The following FHIP1B variants were observed in gnomAD, a reference collection of about 807,000 sequenced individuals.
FHIP1B encodes FHF complex subunit HOOK interacting protein 1B.
FHIP1B carries 28 observed loss-of-function variants against 82.2 expected under a neutral mutation model. The ratio of observed to expected loss-of-function variants is 0.34; its 90% CI spans 0.25 to 0.47. The LOEUF (loss-of-function observed/expected upper bound fraction) is 0.47, where lower values mean the gene tolerates loss of function less well. Ranked by LOEUF, FHIP1B falls within the 20% of genes least tolerant of loss-of-function variation. The probability of loss-of-function intolerance (pLI) is 1.00; values close to 1 mark genes in which losing one functional copy is unlikely to be tolerated. For synonymous variants in FHIP1B, 585 were observed against 516.1 expected, an observed-to-expected ratio of 1.13 and a Z score of -1.81; for missense variants, 1,110 against 1,262.6, an observed-to-expected ratio of 0.88 and a Z score of 1.83.
intron 6 of FHIP1B, among the ~76,000 whole-genome samples, chr11:6,221,412 T>G (rs924100883): frequency 2.6e-5 from 4 of 152,160 alleles, no homozygotes; most frequent in Admixed American, 6.5e-5. Context: ...ATGGCAAAAT[T>G]AATGCTTTAT....
chr11:6,220,799 A>G (rs1847385631), intron 6 of FHIP1B, among the ~76,000 whole-genome samples: 2 of 152,262 alleles, frequency 1.3e-5, no homozygotes, highest in African/African-American at 2.4e-5. Context: ...GACAAAAGGA[A>G]GAAACAACAG....
At chr11:6,218,421 T>C in intron 8 of FHIP1B, 179 bp downstream of exon 8, 1 of 998,928 alleles carries the variant, frequency 1.0e-6, no homozygotes, top group Non-Finnish European at 1.5e-6. Context: ...ACTCTAATTT[T>C]CTTTGGTGAG....
chr11:6,214,086 C>G (rs1847153121), intron 11 of FHIP1B, among the ~76,000 whole-genome samples: 1 of 146,166 alleles, frequency 6.8e-6, no homozygotes, highest in African/African-American at 2.5e-5. Flanking sequence ...CTTTGCCTAC[C>G]TAAGTCCTAC....
rs1847176662 is a variant in FHIP1B, at chr11:6,214,738, G to A, written c.2389C>T (p.Leu797=). The A allele has an allele frequency of 1.3e-6, 2 of 1,575,474 alleles. No individual in the cohort carries two copies. The highest frequency in any genetic ancestry group is 2.3e-5 in the East Asian group (1 of 44,348). The change falls in exon 10 of 12, where the codon CTG becomes TTG. Residue 797 remains leucine, a synonymous_variant. Coordinates refer to ENST00000449352, the MANE Select transcript of FHIP1B (RefSeq NM_001098794.2). ...MVFQPSVKSL[L]QVLGSVKNKI... is the part of the protein sequence containing the mutation. ...TGCATGCATGCATCGCACACCTGCA[G>A]CAGGGACTTGACACTGGGCTGGAAG...
chr11:6,224,893 C>T (rs1847521030), intron 1 of FHIP1B, among the ~76,000 whole-genome samples, 186 bp from the exon 2 acceptor site: 1 of 152,202 alleles, frequency 6.6e-6, no homozygotes, highest in Non-Finnish European at 1.5e-5. Context: ...TCAACTTTCT[C>T]CATCTCAAAA....
chr11:6,219,604 C>A (rs958642383), intron 6 of FHIP1B, among the ~76,000 whole-genome samples: 1 of 152,180 alleles, frequency 6.6e-6, no homozygotes, highest in Non-Finnish European at 1.5e-5. Flanking sequence ...AAGAACAACT[C>A]AAGCGCAGCT....
chr11:6,220,848 G>A (rs1250398168), intron 6 of FHIP1B, among the ~76,000 whole-genome samples: 2 of 152,262 alleles, frequency 1.3e-5, no homozygotes, highest in African/African-American at 2.4e-5. Flanking sequence ...CTCTAAACAT[G>A]AACAGGACAA....
chr11:6,217,671 G>A lies in FHIP1B; in HGVS notation c.1915C>T (p.Pro639Ser), dbSNP rs1371472587. 8 of 1,613,754 alleles carry A rather than the reference G, an allele frequency of 5.0e-6. No homozygotes were observed. In the African/African-American group the frequency reaches 9.3e-5, roughly 19 times the overall value. Residue 639 changes from proline (P) to serine (S), a missense_variant, in exon 9 of 12, where the codon CCA becomes TCA. Physicochemically the swap from Pro to Ser is moderately conservative, Grantham distance 74. Transcript: ENST00000449352. ...TTGGCCCCCTCAGGCCATGATCCTG[G>A]CACTCCATTGAGCTGGGGAGGGGGC... ...HLPPPQLNGV[P>S]GSWPEGAKKV...
Position 6,218,534 on chromosome 11 carries a change from G to A in FHIP1B, c.1435+66C>T, listed in dbSNP as rs113571470. 1,016 of 1,599,066 alleles carry A rather than the reference G, an allele frequency of 6.4e-4. 7 individuals are homozygous for A. The African/African-American group carries it at 0.011, about 17-fold the overall frequency. On this transcript the variant is annotated intron_variant, in intron 8 of 11. Transcript: ENST00000449352. ...CTTCACCCCAGCCCCTCCTTGCTAC[G>A]CTCCCCCAGAACCTAGGCCATACCC...
chr11:6,224,197 C>T lies in FHIP1B; in HGVS notation c.190G>A (p.Asp64Asn). 2 of 1,612,664 alleles carry T rather than the reference C, an allele frequency of 1.2e-6. No individual in the cohort carries two copies. Among genetic ancestry groups the T allele is most frequent in the Non-Finnish European group, 1.7e-6 (2 of 1,179,196 alleles). Residue 64 changes from aspartate to asparagine, a missense_variant, in exon 3 of 12, where the codon GAC becomes AAC. Coordinates refer to ENST00000449352, the MANE Select transcript of FHIP1B (RefSeq NM_001098794.2). ...TGGTTGCGCACAGCACTGAGATCGT[C>T]TGCACCCCCAGGAGCTGCCCGAGGG... ...QGPRAAPGGA[D>N]DLSAVRNHTY... is the part of the protein sequence containing the mutation.
At chr11:6,233,225 T>C (rs73395026) in intron 1 of FHIP1B, among the ~76,000 whole-genome samples, 4,161 of 152,294 alleles carry the variant, frequency 0.027, 66 homozygotes, top group African/African-American at 0.039. Flanking sequence ...GCTGTCTAAT[T>C]CTCAGGAAAT....
intron 6 of FHIP1B, among the ~76,000 whole-genome samples, chr11:6,220,791 CA>C (rs1194702576): frequency 6.6e-6 from 1 of 151,866 alleles, no homozygotes; most frequent in East Asian, 1.9e-4. Context: ...TAGGATAAGA[CA>C]AAAGGAAGAA....
chr11:6,225,539 T>C (rs1168326717), intron 1 of FHIP1B, among the ~76,000 whole-genome samples: 3 of 152,218 alleles, frequency 2.0e-5, no homozygotes, highest in Non-Finnish European at 2.9e-5. Context: ...GGTAGCTTCT[T>C]TGAGGGCAGG....
rs776419744 is a variant in FHIP1B at position 6,222,465 on chromosome 11, C to T, written c.1168G>A (p.Ala390Thr). The T allele has an allele frequency of 1.2e-6, 2 of 1,613,972 alleles. No individual in the cohort carries two copies. Among genetic ancestry groups the T allele is most frequent in the Admixed American group, 1.7e-5 (1 of 60,000 alleles). ...ACCCGGGAGTTACTGCCAATACGAG[C>T]AACGAGGGTGTCGAGGATGGTGTGG... Reference protein sequence around the residue: ...DTHTILDTLVARIGSNSRLCM... With the variant: ...DTHTILDTLVTRIGSNSRLCM... Residue 390 changes from alanine (A) to threonine (T), a missense_variant, in exon 6 of 12, where the codon GCT (alanine) becomes ACT (threonine). Physicochemically the swap from Ala to Thr is moderately conservative, Grantham distance 58. Coordinates refer to ENST00000449352, the MANE Select transcript of FHIP1B (RefSeq NM_001098794.2).
rs1165289063 is a variant in FHIP1B at position 6,223,245 on chromosome 11, G to A, written c.778-7C>T. 6.3e-7 allele frequency: 1 copy of A among 1,582,126 alleles called. No homozygotes were observed. The highest frequency in any genetic ancestry group is 2.1e-5 in the Admixed American group (1 of 47,802). On this transcript the variant is annotated splice_polypyrimidine_tract_variant and splice_region_variant and intron_variant, in intron 3 of 11. Coordinates refer to ENST00000449352, the MANE Select transcript of FHIP1B (RefSeq NM_001098794.2). This position sits in a 1 kb window ranked among gnomAD's most constrained non-coding sequence, Gnocchi z 4.8. ...TGAGCCCTGTGGCCAGCACCTATGA[G>A]AAGTTACCAAAAGCTCATATATAAA...
chr11:6,223,816 G>C lies in FHIP1B; in HGVS notation c.571C>G (p.Pro191Ala), dbSNP rs754018803. ...TGCAGGAAGAACTCGAGCAATGAAG[G>C]CTCCTGGGCCACACAAACACACAGC... The part of the protein sequence containing the change: ...SQLCVCVAQE[P>A]SLLEFFLQPP... Residue 191 changes from proline to alanine, a missense_variant, in exon 3 of 12, where the codon CCT (proline) becomes GCT (alanine). Pro to Ala is a conservative substitution (Grantham distance 27). Coordinates refer to ENST00000449352, the MANE Select transcript of FHIP1B (RefSeq NM_001098794.2). This position sits in a 1 kb window ranked among gnomAD's most constrained non-coding sequence, Gnocchi z 4.8. 3 of 1,614,040 alleles carry C rather than the reference G, an allele frequency of 1.9e-6. No homozygotes were observed. The highest frequency in any genetic ancestry group is 1.7e-6 in the Non-Finnish European group (2 of 1,180,028).
intron 1 of FHIP1B, among the ~76,000 whole-genome samples, chr11:6,229,213 T>C (rs1847637832): frequency 6.6e-6 from 1 of 152,230 alleles, no homozygotes; most frequent in Non-Finnish European, 1.5e-5. Context: ...AGTCCCTCAA[T>C]GGTTTGAATC....
chr11:6,234,303 G>A (rs1847784237), intron 1 of FHIP1B, among the ~76,000 whole-genome samples: 1 of 151,926 alleles, frequency 6.6e-6, no homozygotes, highest in Non-Finnish European at 1.5e-5. Flanking sequence ...CCCAGCCCTA[G>A]TAAACCGCGT....
rs751914391 is a variant in FHIP1B at position 6,211,647 on chromosome 11, G to A, written c.2778C>T (p.Tyr926=). 1 of 1,614,244 alleles carries A rather than the reference G, an allele frequency of 6.2e-7. No individual in the cohort carries two copies. Among genetic ancestry groups the A allele is most frequent in the Non-Finnish European group, 8.5e-7 (1 of 1,180,038 alleles). The stretch of plus-strand genomic sequence containing the variant: ...GAAATTCAGGGAAAATGACTGCACA[G>A]TAGACAGCATTCTTGACTCGAAGAG... The part of the protein sequence containing the change: ...GEALRVKNAV[Y]CAVIFPEFLK... Residue 926 remains tyrosine (Y), a synonymous_variant, in exon 12 of 12, where the codon TAC becomes TAT. Transcript: ENST00000449352.
Sources: allele counts gnomAD v4.1 joint callset (sites outside exome capture counted in the v4.1 genomes callset), GRCh38; gene constraint gnomAD v4.1.1; non-coding constraint Gnocchi (gnomAD v3.1); transcripts MANE v1.5; gene names NCBI Gene and HGNC (gene_info 2026-07-23, HGNC 2026-07-21).